IQGAP2: variants seen among roughly 807,000 people sequenced by gnomAD.
IQGAP2 encodes ras GTPase-activating-like protein IQGAP2.
IQGAP2 carries 173 observed loss-of-function variants against 201.3 expected under a neutral mutation model. The observed-to-expected ratio is 0.86, with a 90% CI of 0.76 to 0.98. The LOEUF is 0.98. Ranked by LOEUF, IQGAP2 falls within the 50% of genes least tolerant of loss-of-function variation. IQGAP2 has a pLI of 0.00. For missense variants in IQGAP2, 1,687 were observed against 1,864.8 expected (o/e 0.90, Z 1.76); for synonymous variants, 675 against 673.9 (o/e 1.00, Z -0.03).
rs147927357 is a variant in IQGAP2, at chr5:76,635,604, C to T, written c.1781-1430C>T. On this transcript the variant is annotated intron_variant, in intron 15 of 35. Coordinates refer to ENST00000274364, the MANE Select transcript of IQGAP2 (RefSeq NM_006633.5). ...ATGCCTATAATCCCAGCACTTTGGG[C>T]GGCTGAGGTGAGCGGATTGCTTGAC... Among the ~76,000 whole-genome samples, 1,216 of 152,132 alleles carry T rather than the reference C, an allele frequency of 8.0e-3. 18 individuals are homozygous for T. The highest frequency in any genetic ancestry group is 0.027 in the African/African-American group (1,134 of 41,506).
In IQGAP2 at chr5:76,698,031, A is replaced by G. The variant is rs746905038; in HGVS notation, c.4251A>G (p.Glu1417=). Residue 1417 remains glutamate, a synonymous_variant, in exon 33 of 36, where the codon GAA becomes GAG. Transcript: ENST00000274364. ...QRIYRKLRKA[E]LAKLQQTLNA... is the part of the protein sequence containing the mutation. ...TCTATCGTAAGCTTCGAAAAGCTGAATTGGCAAAACTTCAGCAGACCCTGA... is the reference window on the plus strand; with the variant it reads ...TCTATCGTAAGCTTCGAAAAGCTGAGTTGGCAAAACTTCAGCAGACCCTGA... 1 of 1,613,604 alleles carries G rather than the reference A, an allele frequency of 6.2e-7. No individual in the cohort carries two copies. Among genetic ancestry groups the G allele is most frequent in the Admixed American group, 1.7e-5 (1 of 59,938 alleles).
intron 2 of IQGAP2, among the ~76,000 whole-genome samples, chr5:76,531,508 T>A (rs548348701): frequency 7.0e-4 from 107 of 152,282 alleles, no homozygotes; most frequent in Middle Eastern, 3.4e-3. Flanking sequence ...GCAGCATTAA[T>A]CTACTCATGA....
At chr5:76,631,457 A>G (rs1036785741) in intron 14 of IQGAP2, among the ~76,000 whole-genome samples, 10 of 152,190 alleles carry the variant, frequency 6.6e-5, no homozygotes, top group Admixed American at 5.2e-4. Flanking sequence ...TCTGTAACTT[A>G]AAAAGGATTT....
intron 17 of IQGAP2, among the ~76,000 whole-genome samples, chr5:76,648,520 C>G (rs1752262749): frequency 6.6e-6 from 1 of 152,182 alleles, no homozygotes; most frequent in Non-Finnish European, 1.5e-5. Context: ...CCAAGAAAAT[C>G]ACAACTTAAG....
intron 18 of IQGAP2, 40 bp from the exon 19 acceptor site, chr5:76,654,160 T>A (rs1752725788): frequency 7.1e-7 from 1 of 1,411,592 alleles, no homozygotes; most frequent in African/African-American, 1.4e-5. Context: ...CTTTTCTCTT[T>A]ATTTTTTGTT....
chr5:76,411,144 G>A (rs1751091426), intron 1 of IQGAP2, among the ~76,000 whole-genome samples: 1 of 152,116 alleles, frequency 6.6e-6, no homozygotes, highest in Non-Finnish European at 1.5e-5. Flanking sequence ...GTTTTAATAG[G>A]CCCTCCAGGT....
At chr5:76,489,191 T>C (rs1342477408) in intron 2 of IQGAP2, among the ~76,000 whole-genome samples, 1 of 152,130 alleles carries the variant, frequency 6.6e-6, no homozygotes, top group African/African-American at 2.4e-5. Context: ...GATGAGCCGA[T>C]CTGGAGAGCC....
chr5:76,506,423 TATCTC>T (rs1757609314), intron 2 of IQGAP2, among the ~76,000 whole-genome samples: 1 of 152,218 alleles, frequency 6.6e-6, no homozygotes, highest in Non-Finnish European at 1.5e-5. Flanking sequence ...GGCATGAACT[TATCTC>T]AAAGTTTGGA....
chr5:76,480,307 T>C (rs1325892510), intron 2 of IQGAP2, among the ~76,000 whole-genome samples: 3 of 151,684 alleles, frequency 2.0e-5, no homozygotes. Context: ...GGAGAGGAGG[T>C]CCTCTTCTCT....
At chr5:76,634,917 A>G (rs1470347241) in intron 15 of IQGAP2, among the ~76,000 whole-genome samples, 1 of 151,962 alleles carries the variant, frequency 6.6e-6, no homozygotes, top group African/African-American at 2.4e-5. Flanking sequence ...TAACAAACCA[A>G]CTGTATTTCT....
chr5:76,517,363 A>G (rs1758394085), intron 2 of IQGAP2, among the ~76,000 whole-genome samples: 1 of 152,156 alleles, frequency 6.6e-6, no homozygotes, highest in African/African-American at 2.4e-5. Context: ...GTTCCTTCTA[A>G]CTGCATTCAA....
intron 3 of IQGAP2, 99 bp downstream of exon 3, chr5:76,562,651 T>C (rs917561719): frequency 2.7e-6 from 3 of 1,126,966 alleles, no homozygotes; most frequent in Non-Finnish European, 3.8e-6. Flanking sequence ...CTGTAAGGAT[T>C]TGGGGGGCTG....
In IQGAP2 at chr5:76,649,411, A is replaced by G. The variant is rs141165908; in HGVS notation, c.2095-3339A>G. On this transcript the variant is annotated intron_variant, in intron 17 of 35. Coordinates refer to ENST00000274364, the MANE Select transcript of IQGAP2 (RefSeq NM_006633.5). ...CACTTGTTACCAGCAAACTTCCCTCAAAGAATGACTACAGATAGCTCTCTA... is the reference window on the plus strand; with the variant it reads ...CACTTGTTACCAGCAAACTTCCCTCGAAGAATGACTACAGATAGCTCTCTA... Among the ~76,000 whole-genome samples the G allele has an allele frequency of 4.0e-3, 610 of 152,354 alleles. 6 individuals carry two copies. Among genetic ancestry groups the G allele is most frequent in the African/African-American group, 0.014 (582 of 41,580 alleles).
chr5:76,512,180 T>C (rs1333760797), intron 2 of IQGAP2, among the ~76,000 whole-genome samples: 1 of 152,162 alleles, frequency 6.6e-6, no homozygotes, highest in Non-Finnish European at 1.5e-5. Context: ...ACAGAAACTC[T>C]AGTGGAGCTT....
At chr5:76,579,177 A>G (rs1021761513) in intron 5 of IQGAP2, among the ~76,000 whole-genome samples, 8 of 152,162 alleles carry the variant, frequency 5.3e-5, no homozygotes, top group Non-Finnish European at 2.9e-5. Flanking sequence ...TGTAAGACCC[A>G]TACTACAAGT....
intron 17 of IQGAP2, among the ~76,000 whole-genome samples, chr5:76,648,832 TAAC>T (rs34186194): frequency 0.15 from 23,344 of 151,990 alleles, 2,126 homozygotes; most frequent in South Asian, 0.36. Context: ...CTAGAGACTA[TAAC>T]AACAGAAATT....
intron 2 of IQGAP2, among the ~76,000 whole-genome samples, chr5:76,508,004 CA>C (rs35283673): frequency 0.33 from 20,627 of 63,204 alleles, 1,376 homozygotes; most frequent in Middle Eastern, 0.38. Flanking sequence ...GACTCCTTCT[CA>C]AAAAAAAAAA....
intron 2 of IQGAP2, among the ~76,000 whole-genome samples, chr5:76,553,947 C>T (rs985802766): frequency 6.6e-6 from 1 of 152,186 alleles, no homozygotes; most frequent in Non-Finnish European, 1.5e-5. Context: ...CTTGATGACA[C>T]ATGAAGTATC....
chr5:76,409,241 C>CTTTTTTTTTTTTTTTTTTTTTTT (rs35574851), intron 1 of IQGAP2, among the ~76,000 whole-genome samples: 1 of 79,368 alleles, frequency 1.3e-5, no homozygotes, highest in Non-Finnish European at 2.3e-5. Flanking sequence ...AATACATGGG[C>CTTTTTTTTTTTTTTTTTTTTTTT]TTTTTTTTTT....
Sources: gnomAD v4.1 joint callset for allele counts (sites outside exome capture counted in the v4.1 genomes callset) on GRCh38, gnomAD v4.1.1 for gene constraint, MANE v1.5 for transcripts, NCBI Gene and HGNC (gene_info 2026-07-23, HGNC 2026-07-21) for gene names.